The following IL1RAP variants were observed in gnomAD, a reference collection of about 807,000 sequenced individuals.
IL1RAP encodes the protein interleukin 1 receptor accessory protein, also known as interleukin-1 receptor accessory protein.
IL1RAP carries 35 observed loss-of-function variants against 60.7 expected under a neutral mutation model. That is an observed-to-expected ratio of 0.58 (90% CI 0.44 to 0.76). The LOEUF is 0.76. Among genes scored for constraint, IL1RAP ranks in the 30% least tolerant of loss-of-function variants. The pLI is 0.00. For missense variants in IL1RAP, 572 were observed against 693.9 expected (o/e 0.82, Z 1.97); for synonymous variants, 268 against 250.9 (o/e 1.07, Z -0.64).
At chr3:190,590,799 G>A (rs1577675261) in intron 3 of IL1RAP, among the ~76,000 whole-genome samples, 1 of 152,308 alleles carries the variant, frequency 6.6e-6, no homozygotes, top group East Asian at 1.9e-4. Flanking sequence ...GTTTTGAAGA[G>A]GAGTGTACTG....
chr3:190,525,556 A>G (rs971806316), intron 1 of IL1RAP, among the ~76,000 whole-genome samples: 1 of 152,166 alleles, frequency 6.6e-6, no homozygotes, highest in African/African-American at 2.4e-5. Flanking sequence ...TTGAACAGAG[A>G]GTGAAGGAAA....
At chr3:190,577,597 G>C (rs1727608256) in intron 3 of IL1RAP, among the ~76,000 whole-genome samples, 1 of 152,150 alleles carries the variant, frequency 6.6e-6, no homozygotes, top group Non-Finnish European at 1.5e-5. Flanking sequence ...ACCTAGGCTA[G>C]AGTGCTCACT....
At chr3:190,570,190 C>CA (rs1726788433) in intron 3 of IL1RAP, among the ~76,000 whole-genome samples, 1 of 152,198 alleles carries the variant, frequency 6.6e-6, no homozygotes, top group Non-Finnish European at 1.5e-5. Flanking sequence ...ATACATTTAA[C>CA]AAATAATTTG....
rs187936092 is a variant in IL1RAP at position 190,560,321 on chromosome 3, G to A, written c.-1-3968G>A. Among the ~76,000 whole-genome samples the A allele has an allele frequency of 1.5e-4, 23 of 152,352 alleles. No individual in the cohort carries two copies. In the East Asian group the frequency reaches 3.5e-3, roughly 23 times the overall value. On this transcript the variant is annotated intron_variant, in intron 2 of 11. Coordinates refer to ENST00000447382, the MANE Select transcript of IL1RAP (RefSeq NM_002182.4). ...GGCCTTCTGGGGTGTATTCCTTGGC[G>A]TGAATGGCCAAGTTTTCAAAAGTGC...
chr3:190,536,574 G>T (rs1723476975), intron 1 of IL1RAP, among the ~76,000 whole-genome samples: 1 of 152,132 alleles, frequency 6.6e-6, no homozygotes, highest in Non-Finnish European at 1.5e-5. Flanking sequence ...TAAGCCTAAA[G>T]GTGGTTGAAA....
intron 9 of IL1RAP, among the ~76,000 whole-genome samples, chr3:190,639,774 C>A (rs1007745972): frequency 6.6e-6 from 1 of 152,178 alleles, no homozygotes. Context: ...TAACTGCTTG[C>A]TTTTAAAAAA....
intron 1 of IL1RAP, among the ~76,000 whole-genome samples, chr3:190,529,470 G>C (rs1001507805): frequency 6.6e-6 from 1 of 150,720 alleles, no homozygotes; most frequent in African/African-American, 2.4e-5. Flanking sequence ...GGCAGATCAC[G>C]AGGTCAAGAG....
intron 1 of IL1RAP, among the ~76,000 whole-genome samples, chr3:190,515,916 A>G (rs1721470346): frequency 6.6e-6 from 1 of 152,070 alleles, no homozygotes; most frequent in South Asian, 2.1e-4. Context: ...TTATTTAAAC[A>G]CGAACACACA....
intron 1 of IL1RAP, 186 bp from the exon 2 acceptor site, chr3:190,555,944 C>A (rs1725385398): frequency 6.6e-6 from 1 of 151,674 alleles, no homozygotes; most frequent in South Asian, 2.1e-4. Context: ...ATCTATCTAT[C>A]TATCTATCTA....
At chr3:190,596,366 T>A (rs1283368419) in intron 3 of IL1RAP, among the ~76,000 whole-genome samples, 1 of 151,792 alleles carries the variant, frequency 6.6e-6, no homozygotes, top group East Asian at 1.9e-4. Flanking sequence ...TTTTTTTTTG[T>A]GCTACCACTC....
chr3:190,566,628 G>A (rs1187893351), intron 3 of IL1RAP, among the ~76,000 whole-genome samples: 2 of 152,168 alleles, frequency 1.3e-5, no homozygotes, highest in Non-Finnish European at 2.9e-5. Flanking sequence ...GTGGGAGCAG[G>A]AAACATGTTG....
At chr3:190,546,495 A>T (rs1413949865) in intron 1 of IL1RAP, among the ~76,000 whole-genome samples, 1 of 152,264 alleles carries the variant, frequency 6.6e-6, no homozygotes, top group Non-Finnish European at 1.5e-5. Context: ...ATACTTAATA[A>T]TAGCATGAGC....
chr3:190,553,698 C>A (rs1355097455), intron 1 of IL1RAP, among the ~76,000 whole-genome samples: 1 of 152,200 alleles, frequency 6.6e-6, no homozygotes, highest in Non-Finnish European at 1.5e-5. Context: ...TTTCTGACCC[C>A]TGAGCGTGAC....
At chr3:190,616,439 A>G (rs1215277480) in intron 5 of IL1RAP, among the ~76,000 whole-genome samples, 1 of 151,958 alleles carries the variant, frequency 6.6e-6, no homozygotes, top group East Asian at 1.9e-4. Context: ...TTTTCTGGCA[A>G]TTGTATAGCC....
At chr3:190,585,274 C>G (rs1189939535) in intron 3 of IL1RAP, among the ~76,000 whole-genome samples, 1 of 152,144 alleles carries the variant, frequency 6.6e-6, no homozygotes, top group Admixed American at 6.5e-5. Flanking sequence ...AGTCACAGTG[C>G]CCACTCTAAC....
At chr3:190,606,284 C>G (rs576423925) in intron 4 of IL1RAP, among the ~76,000 whole-genome samples, 1 of 152,316 alleles carries the variant, frequency 6.6e-6, no homozygotes, top group African/African-American at 2.4e-5. Context: ...TAGGAGAAGA[C>G]AGAGAAACCA....
chr3:190,642,591 C>T (rs1733734924), intron 9 of IL1RAP: 1 of 152,166 alleles, frequency 6.6e-6, no homozygotes, highest in South Asian at 2.1e-4. Context: ...CTTACAGAAG[C>T]CTTCCCTCAC....
intron 9 of IL1RAP, among the ~76,000 whole-genome samples, chr3:190,643,371 GA>G (rs1375998616): frequency 6.6e-6 from 1 of 152,116 alleles, no homozygotes; most frequent in East Asian, 1.9e-4. Flanking sequence ...TGTTTTTGAT[GA>G]AAAAGCAATG....
At chr3:190,555,264 G>A (rs1725305494) in intron 1 of IL1RAP, among the ~76,000 whole-genome samples, 1 of 151,692 alleles carries the variant, frequency 6.6e-6, no homozygotes, top group Non-Finnish European at 1.5e-5. Context: ...ACTTCAAATG[G>A]CGTCACATTG....
Sources: gnomAD v4.1 joint callset for allele counts (sites outside exome capture counted in the v4.1 genomes callset) on GRCh38, gnomAD v4.1.1 for gene constraint, MANE v1.5 for transcripts, NCBI Gene and HGNC (gene_info 2026-07-23, HGNC 2026-07-21) for gene names.